The following MRC1 variants were observed in gnomAD, a reference collection of about 807,000 sequenced individuals.
The protein encoded by MRC1 is mannose receptor C-type 1, also known as macrophage mannose receptor 1.
In MRC1, 62 loss-of-function variants were observed where a neutral mutation model predicts 102.9. The ratio of observed to expected loss-of-function variants is 0.60; its 90% confidence interval spans 0.49 to 0.74. MRC1 has a LOEUF of 0.74. Among genes scored for constraint, MRC1 ranks in the 30% least tolerant of loss-of-function variants. The pLI is 0.00. For missense variants in MRC1, 1,237 were observed against 862.8 expected, an observed-to-expected ratio of 1.43 and a Z score of -5.43; for synonymous variants, 457 against 298.4, an observed-to-expected ratio of 1.53 and a Z score of -5.48.
chr10:17,878,354 C>T (rs1487318545), intron 18 of MRC1, among the ~76,000 whole-genome samples: 1 of 152,182 alleles, frequency 6.6e-6, no homozygotes, highest in Admixed American at 6.5e-5. Context: ...AGTATCCTTT[C>T]CTATTGCCCT....
At chr10:17,880,081 A>G (rs1387683388) in intron 19 of MRC1, among the ~76,000 whole-genome samples, 3 of 152,104 alleles carry the variant, frequency 2.0e-5, no homozygotes, top group Non-Finnish European at 2.9e-5. Context: ...ATTTGAAAAA[A>G]CTTATCCAGA....
At chr10:17,840,558 G>A (rs1838735685) in intron 4 of MRC1, 135 bp from the exon 5 acceptor site, 1 of 677,648 alleles carries the variant, frequency 1.5e-6, no homozygotes, top group South Asian at 1.7e-5. Context: ...AGAATCAAAG[G>A]AGACATGGTA....
intron 6 of MRC1, among the ~76,000 whole-genome samples, chr10:17,847,145 G>A (rs1273755276): frequency 1.6e-5 from 2 of 127,756 alleles, no homozygotes; most frequent in Non-Finnish European, 3.4e-5. Context: ...TCCTCTAGGA[G>A]AAATAGTGTA....
chr10:17,894,692 C>A (rs1411152406), intron 23 of MRC1, among the ~76,000 whole-genome samples: 1 of 152,032 alleles, frequency 6.6e-6, no homozygotes, highest in Non-Finnish European at 1.5e-5. Context: ...AGCCACTGTG[C>A]CTGACCTCAC....
Position 17,829,814 on chromosome 10 carries a change from G to T in MRC1, c.637+2099G>T, listed in dbSNP as rs1179898450. Among the ~76,000 whole-genome samples the T allele has an allele frequency of 2.6e-5, 4 of 151,566 alleles. 1 individual carries two copies. The highest frequency in any genetic ancestry group is 9.8e-5 in the African/African-American group (4 of 40,822). The stretch of plus-strand genomic sequence containing the variant: ...TGTGTGATTTCCTGAATGAAATGTG[G>T]AGGACAAGTGGTAAGTTACTAATCA... On this transcript the variant is annotated intron_variant, in intron 3 of 29. Transcript: ENST00000569591.
chr10:17,909,255 C>T, intron 28 of MRC1, 51 bp from the exon 29 acceptor site: 1 of 803,732 alleles, frequency 1.2e-6, no homozygotes, highest in Non-Finnish European at 2.3e-6. Context: ...TATTTGCTAT[C>T]TACCTGCAAT....
At chr10:17,864,827 C>CAAAAAAAAAAA (rs34931364) in intron 11 of MRC1, among the ~76,000 whole-genome samples, 1 of 80,540 alleles carries the variant, frequency 1.2e-5, no homozygotes, top group African/African-American at 4.8e-5. Context: ...AAAACTCCAT[C>CAAAAAAAAAAA]AAAAAAAAAA....
At chr10:17,891,886 A>G (rs1401868925) in intron 22 of MRC1, among the ~76,000 whole-genome samples, 2 of 152,220 alleles carry the variant, frequency 1.3e-5, no homozygotes, top group African/African-American at 4.8e-5. Flanking sequence ...GTGGTAAGAT[A>G]TTGGGGAGGG....
At chr10:17,825,125 C>T (rs1838454189) in intron 2 of MRC1, among the ~76,000 whole-genome samples, 1 of 152,106 alleles carries the variant, frequency 6.6e-6, no homozygotes, top group African/African-American at 2.4e-5. Flanking sequence ...TCAGTTCTAG[C>T]TCTGCAGAGT....
chr10:17,910,431 G>A lies in MRC1; in HGVS notation c.4337G>A (p.Gly1446Asp). The A allele has an allele frequency of 1.3e-6, 1 of 780,774 alleles. No homozygotes were observed. Among genetic ancestry groups the A allele is most frequent in the Admixed American group, 1.7e-5 (1 of 59,018 alleles). 48.4% of individuals were successfully genotyped at this position (780,774 alleles called of 1,614,324 possible). Residue 1446 changes from glycine to aspartate, a missense_variant, in exon 30 of 30, where the codon GGC (glycine) becomes GAC (aspartate). Coordinates refer to ENST00000569591, the MANE Select transcript of MRC1 (RefSeq NM_002438.4). ...ACTAGTGATATGAAAGATCTCGTGG[G>A]CAATATTGAACAGAATGAACACTCG... ...PGTSDMKDLV[G>D]NIEQNEHSVI
intron 28 of MRC1, among the ~76,000 whole-genome samples, chr10:17,908,608 T>G (rs1833927527): frequency 6.7e-6 from 1 of 150,318 alleles, no homozygotes; most frequent in Non-Finnish European, 1.5e-5. Context: ...CTCACTCTGT[T>G]GCCCACTCTG....
intron 25 of MRC1, among the ~76,000 whole-genome samples, chr10:17,901,522 C>G (rs1050863005): frequency 6.6e-6 from 1 of 152,052 alleles, no homozygotes; most frequent in Non-Finnish European, 1.5e-5. Context: ...AACCCCTTCT[C>G]TACTAAAAAT....
chr10:17,894,386 CTTTCTTTCTTT>C (rs1833723837), intron 23 of MRC1, 74 bp downstream of exon 23: 2 of 632,944 alleles, frequency 3.2e-6, no homozygotes, highest in Non-Finnish European at 5.4e-6. Context: ...TTCTTTCTTT[CTTTCTTTCTTT>C]TTTTTTTTTT....
At chr10:17,844,479 CA>C (rs1372977735) in intron 5 of MRC1, among the ~76,000 whole-genome samples, 31 of 152,150 alleles carry the variant, frequency 2.0e-4, no homozygotes, top group African/African-American at 7.0e-4. Flanking sequence ...CTCAGCCTCC[CA>C]AAGTGCTGGG....
intron 22 of MRC1, among the ~76,000 whole-genome samples, chr10:17,888,893 T>G (rs1347615657): frequency 6.6e-6 from 1 of 152,240 alleles, no homozygotes; most frequent in African/African-American, 2.4e-5. Flanking sequence ...CATGGATTTA[T>G]CTATTTATCT....
rs1053221195 is a variant in MRC1, at chr10:17,845,453, T to C, written c.1063+18T>C. The stretch of plus-strand genomic sequence containing the variant: ...TCCCTCAGGTAAGTGATCTATGGGA[T>C]CTGAAGTGCCTCAACTATTAGAATT... On this transcript the variant is annotated intron_variant, in intron 6 of 29. Coordinates refer to ENST00000569591, the MANE Select transcript of MRC1 (RefSeq NM_002438.4). 3 of 780,828 alleles carry C rather than the reference T, an allele frequency of 3.8e-6. No individual in the cohort carries two copies. Among genetic ancestry groups the C allele is most frequent in the Non-Finnish European group, 7.2e-6 (3 of 417,940 alleles). The allele number at this position is 780,828 out of a possible 1,614,324, so 48.4% of individuals were successfully genotyped here.
intron 5 of MRC1, among the ~76,000 whole-genome samples, chr10:17,843,121 A>C (rs1838775066): frequency 6.6e-6 from 1 of 152,360 alleles, no homozygotes; most frequent in African/African-American, 2.4e-5. Context: ...TAAACATCAA[A>C]ACCACTAGTT....
intron 6 of MRC1, among the ~76,000 whole-genome samples, chr10:17,846,480 G>A (rs1273281492): frequency 6.6e-6 from 1 of 152,104 alleles, no homozygotes; most frequent in Non-Finnish European, 1.5e-5. Flanking sequence ...GCAATTTCAT[G>A]TATTTTAAAA....
chr10:17,877,971 A>G lies in MRC1; in HGVS notation c.2618+4A>G. On this transcript the variant is annotated splice_donor_region_variant and intron_variant, in intron 18 of 29. Transcript: ENST00000569591. ...TCAGCTTGGATAAAAAGTTTGCGTA[A>G]GTAAATCAAGCTAAAAACAACTTTG... is the stretch of plus-strand genomic sequence containing the variant. 1.1e-6 allele frequency: 1 copy of G among 872,246 alleles called. No homozygotes were observed. The highest frequency in any genetic ancestry group is 1.7e-5 in the Admixed American group (1 of 59,176). 54.0% of individuals were successfully genotyped at this position (872,246 alleles called of 1,614,324 possible). A position where few individuals can be genotyped will look rare whatever the true frequency, so the allele number is the denominator to read the frequency against.
Sources: allele counts gnomAD v4.1 joint callset (sites outside exome capture counted in the v4.1 genomes callset), GRCh38; gene constraint gnomAD v4.1.1; transcripts MANE v1.5; gene names NCBI Gene and HGNC (gene_info 2026-07-23, HGNC 2026-07-21).